IPCEF1: variants seen among roughly 807,000 people sequenced by gnomAD.
IPCEF1 encodes the protein interaction protein for cytohesin exchange factors 1.
A neutral mutation model predicts 50.9 loss-of-function variants in IPCEF1; 31 were observed. The observed-to-expected ratio is 0.61, with a 90% confidence interval of 0.46 to 0.82. The LOEUF (loss-of-function observed/expected upper bound fraction) is 0.82. Among genes scored for constraint, IPCEF1 ranks in the 40% least tolerant of loss-of-function variants. The pLI, the probability that IPCEF1 is intolerant of heterozygous loss-of-function variation, is 0.00. For missense variants in IPCEF1, 458 were observed against 514.0 expected, an observed-to-expected ratio of 0.89 and a Z score of 1.05; for synonymous variants, 181 against 192.0, an observed-to-expected ratio of 0.94 and a Z score of 0.47.
At chr6:154,243,719 G>A (rs766889846) in intron 5 of IPCEF1, among the ~76,000 whole-genome samples, 1 of 152,140 alleles carries the variant, frequency 6.6e-6, no homozygotes, top group African/African-American at 2.4e-5. Flanking sequence ...AGAGGGAGTC[G>A]GATTGGCATG....
chr6:154,220,422 C>T (rs1778770618), intron 7 of IPCEF1, among the ~76,000 whole-genome samples: 1 of 152,094 alleles, frequency 6.6e-6, no homozygotes, highest in African/African-American at 2.4e-5. Context: ...TTTGAGAGGC[C>T]GAGGTGGGTG....
chr6:154,331,611 C>G (rs1229083070), intron 1 of IPCEF1, among the ~76,000 whole-genome samples: 1 of 152,134 alleles, frequency 6.6e-6, no homozygotes, highest in Non-Finnish European at 1.5e-5. Flanking sequence ...ACACCCGAAG[C>G]TGGTGATCAG....
intron 9 of IPCEF1, among the ~76,000 whole-genome samples, chr6:154,212,412 C>T (rs1221174611): frequency 2.0e-5 from 3 of 152,152 alleles, no homozygotes; most frequent in Non-Finnish European, 4.4e-5. Context: ...TGTTATAGTA[C>T]ATGCACATAG....
rs1782333088 is a variant in IPCEF1, at chr6:154,285,280, C to A, written c.-18+4433G>T. ...GGAAAATGAAAATGGCAACAGGAAA[C>A]CTTTCACTTGCTGAGAAAACTTGTT... On this transcript the variant is annotated intron_variant, in intron 2 of 11. Transcript: ENST00000367220. 2.6e-5 allele frequency among the ~76,000 whole-genome samples: 4 copies of A among 152,098 alleles called. No homozygotes were observed. The South Asian group carries it at 8.3e-4, about 32-fold the overall frequency.
At chr6:154,271,851 G>C (rs1249241512) in intron 2 of IPCEF1, among the ~76,000 whole-genome samples, 1 of 152,156 alleles carries the variant, frequency 6.6e-6, no homozygotes, top group Non-Finnish European at 1.5e-5. Context: ...GCAGGGTATG[G>C]TGATGTGCAC....
rs182444961 is a variant in IPCEF1, at chr6:154,339,723, G to A, written c.-62+16949C>T. On this transcript the variant is annotated intron_variant, in intron 1 of 11. Coordinates refer to ENST00000367220, the MANE Select transcript of IPCEF1 (RefSeq NM_001130700.2). ...TTCCACCTCAGCCTCCCCAGTAGCT[G>A]GGACTACAAGCGCACACCACCACCA... Among the ~76,000 whole-genome samples, 276 of 152,080 alleles carry A rather than the reference G, an allele frequency of 1.8e-3. 1 individual carries two copies. The highest frequency in any genetic ancestry group is 3.4e-3 in the Non-Finnish European group (233 of 67,970).
chr6:154,191,679 C>G (rs553778658), intron 10 of IPCEF1, among the ~76,000 whole-genome samples: 1 of 83,946 alleles, frequency 1.2e-5, no homozygotes, highest in African/African-American at 4.6e-5. Flanking sequence ...GCCTCAACAA[C>G]AACAACAACA....
chr6:154,223,128 T>A (rs1338888408), intron 6 of IPCEF1, 42 bp downstream of exon 6: 1 of 1,419,374 alleles, frequency 7.0e-7, no homozygotes, highest in Non-Finnish European at 1.0e-6. Context: ...GAAGAGATAG[T>A]ATCCTGGCTC....
chr6:154,246,918 C>T lies in IPCEF1; in HGVS notation c.77-158G>A, dbSNP rs1246188139. 20 of 602,400 alleles carry T rather than the reference C, an allele frequency of 3.3e-5. No homozygotes were observed. In the East Asian group the frequency reaches 7.6e-4, roughly 23 times the overall value. 37.3% of individuals were successfully genotyped at this position (602,400 alleles called of 1,614,324 possible). A position where few individuals can be genotyped will look rare whatever the true frequency, so the allele number is the denominator to read the frequency against. ...AGATTTATGCAAAGCCTATGCAAAA[C>T]CTATGCAAAACCAATGCAAAAAAAA... On this transcript the variant is annotated intron_variant, in intron 4 of 11. Coordinates refer to ENST00000367220, the MANE Select transcript of IPCEF1 (RefSeq NM_001130700.2).
At chr6:154,219,671 A>G (rs1490328141) in intron 7 of IPCEF1, among the ~76,000 whole-genome samples, 1 of 152,168 alleles carries the variant, frequency 6.6e-6, no homozygotes, top group Non-Finnish European at 1.5e-5. Flanking sequence ...TTTGATGTGG[A>G]GATTTTAACA....
chr6:154,215,823 A>G (rs1005081187), intron 7 of IPCEF1, among the ~76,000 whole-genome samples: 4 of 152,176 alleles, frequency 2.6e-5, no homozygotes, highest in African/African-American at 9.7e-5. Context: ...GGCAAAATAA[A>G]GGAACAGAAA....
In IPCEF1 at chr6:154,168,159, A is replaced by G; in HGVS notation, c.911-46T>C. 1 of 1,430,968 alleles carries G rather than the reference A, an allele frequency of 7.0e-7. No individual in the cohort carries two copies. Among genetic ancestry groups the G allele is most frequent in the Non-Finnish European group, 9.5e-7 (1 of 1,056,244 alleles). The allele number at this position is 1,430,968 out of a possible 1,614,324, so 88.6% of individuals were successfully genotyped here. ...AAGCAGTAACAATAAACCCAGTGAA[A>G]AATCAAGGAGAGAACATTCAATACT... On this transcript the variant is annotated intron_variant, in intron 10 of 11. Coordinates refer to ENST00000367220, the MANE Select transcript of IPCEF1 (RefSeq NM_001130700.2). This position sits in a 1 kb window ranked among gnomAD's most constrained non-coding sequence, Gnocchi z 4.1.
chr6:154,189,231 A>G (rs548791189), intron 10 of IPCEF1, among the ~76,000 whole-genome samples: 2 of 152,366 alleles, frequency 1.3e-5, no homozygotes, highest in South Asian at 4.1e-4. Flanking sequence ...AAAAATTCAG[A>G]AACTCAACTT....
intron 5 of IPCEF1, among the ~76,000 whole-genome samples, chr6:154,229,344 C>T (rs1056176823): frequency 2.2e-5 from 3 of 139,036 alleles, no homozygotes; most frequent in Non-Finnish European, 4.5e-5. Context: ...AAAAGTTTGC[C>T]GGTTTTTTTT....
chr6:154,229,511 G>A (rs1779554991), intron 5 of IPCEF1, among the ~76,000 whole-genome samples: 1 of 150,624 alleles, frequency 6.6e-6, no homozygotes, highest in Non-Finnish European at 1.5e-5. Flanking sequence ...CACCACACCC[G>A]GCTCATTTTT....
chr6:154,330,896 T>A (rs566690615), intron 1 of IPCEF1, among the ~76,000 whole-genome samples: 2 of 152,236 alleles, frequency 1.3e-5, no homozygotes, highest in East Asian at 3.9e-4. Context: ...CTTCCATATT[T>A]AAAAATGTTG....
chr6:154,342,635 G>A (rs961592324), intron 1 of IPCEF1, among the ~76,000 whole-genome samples: 3 of 152,094 alleles, frequency 2.0e-5, no homozygotes, highest in Admixed American at 2.0e-4. Context: ...GGGCTGAGGA[G>A]GGGGAGGCAG....
At chr6:154,238,138 T>C (rs1780286598) in intron 5 of IPCEF1, among the ~76,000 whole-genome samples, 1 of 152,204 alleles carries the variant, frequency 6.6e-6, no homozygotes, top group African/African-American at 2.4e-5. Context: ...AGTGAGACAA[T>C]CAAGTGACAA....
chr6:154,201,456 TG>T (rs1286379246), intron 9 of IPCEF1, among the ~76,000 whole-genome samples: 7 of 152,186 alleles, frequency 4.6e-5, no homozygotes, highest in Non-Finnish European at 1.0e-4. Flanking sequence ...TTAACTTTAT[TG>T]GCCAACAAAA....
Sources: allele counts gnomAD v4.1 joint callset (sites outside exome capture counted in the v4.1 genomes callset), GRCh38; gene constraint gnomAD v4.1.1; non-coding constraint Gnocchi (gnomAD v3.1); transcripts MANE v1.5; gene names NCBI Gene and HGNC (gene_info 2026-07-23, HGNC 2026-07-21).